Variants in GRM7 observed in about 807,000 individuals in gnomAD.
The protein encoded by GRM7 is glutamate metabotropic receptor 7.
A neutral mutation model predicts 84.5 loss-of-function variants in GRM7; 35 were observed. That is an observed-to-expected ratio of 0.41 (90% CI 0.32 to 0.55). The LOEUF is 0.55. GRM7 is among the 20% of genes least tolerant of loss of function. GRM7 has a pLI of 0.19. For missense variants in GRM7, 1,003 were observed against 1,194.6 expected (o/e 0.84, Z 2.36); for synonymous variants, 487 against 455.1 (o/e 1.07, Z -0.89).
chr3:7,351,914 A>G (rs1693165479), intron 4 of GRM7, among the ~76,000 whole-genome samples: 1 of 151,906 alleles, frequency 6.6e-6, no homozygotes, highest in East Asian at 1.9e-4. Context: ...TCTGGGAGAC[A>G]CATTACTGGC....
At chr3:7,302,152 A>G (rs1283027554) in intron 3 of GRM7, among the ~76,000 whole-genome samples, 1 of 152,116 alleles carries the variant, frequency 6.6e-6, no homozygotes. Context: ...TGCTAGAAAA[A>G]TTAAAGGTTA....
At chr3:7,592,968 G>T (rs781650677) in intron 8 of GRM7, among the ~76,000 whole-genome samples, 2 of 152,128 alleles carry the variant, frequency 1.3e-5, no homozygotes, top group Non-Finnish European at 2.9e-5. Context: ...GACCCGAGTG[G>T]ACTGGTAACC....
At chr3:7,624,442 G>C (rs533729001) in intron 8 of GRM7, among the ~76,000 whole-genome samples, 1 of 151,968 alleles carries the variant, frequency 6.6e-6, no homozygotes, top group Non-Finnish European at 1.5e-5. Flanking sequence ...CGTTAACTAC[G>C]TAATTATACA....
At chr3:7,262,649 G>A (rs1377614106) in intron 2 of GRM7, among the ~76,000 whole-genome samples, 1 of 152,176 alleles carries the variant, frequency 6.6e-6, no homozygotes, top group Non-Finnish European at 1.5e-5. Flanking sequence ...AAGAACTGGT[G>A]TAGTTGTTTG....
chr3:7,320,168 G>T (rs532495918), intron 4 of GRM7, among the ~76,000 whole-genome samples: 1 of 151,970 alleles, frequency 6.6e-6, no homozygotes, highest in Non-Finnish European at 1.5e-5. Context: ...GTGTGTGTTT[G>T]TGTGTATCTA....
chr3:7,287,950 C>G (rs980380940), intron 2 of GRM7, among the ~76,000 whole-genome samples: 2 of 152,100 alleles, frequency 1.3e-5, no homozygotes, highest in Non-Finnish European at 2.9e-5. Flanking sequence ...TCAATGAAGA[C>G]TAATCAGGTT....
In GRM7 at chr3:7,670,883, G is replaced by C. The variant is rs187355593; in HGVS notation, c.2452-9166G>C. 3.7e-4 allele frequency among the ~76,000 whole-genome samples: 56 copies of C among 152,272 alleles called. 1 individual carries two copies. Among genetic ancestry groups the C allele is most frequent in the African/African-American group, 1.2e-3 (50 of 41,552 alleles). ...TAGTAGTTCCGTTTTGATGAATATG[G>C]CAGAGGATTAAAGGGAGCCCATGGA... is the stretch of plus-strand genomic sequence containing the variant. On this transcript the variant is annotated intron_variant, in intron 8 of 9. Coordinates refer to ENST00000357716, the MANE Select transcript of GRM7 (RefSeq NM_000844.4).
At chr3:7,320,681 A>AGTGT (rs56313913) in intron 4 of GRM7, among the ~76,000 whole-genome samples, 18,059 of 141,008 alleles carry the variant, frequency 0.13, 1,173 homozygotes, top group Non-Finnish European at 0.14. Flanking sequence ...GTGGGTGATC[A>AGTGT]GTGTGTGTGT....
chr3:7,123,832 T>C lies in GRM7; in HGVS notation c.520-22620T>C, dbSNP rs148213742. Among the ~76,000 whole-genome samples the C allele has an allele frequency of 1.9e-3, 291 of 152,294 alleles. 5 individuals are homozygous for C. The East Asian group carries it at 0.045, about 23-fold the overall frequency. The stretch of plus-strand genomic sequence containing the variant: ...TTCTCACTTTGCCTCATTGATAAAA[T>C]CTTTCTTGACCTGCAGATCAATTTG... On this transcript the variant is annotated intron_variant, in intron 1 of 9. Coordinates refer to ENST00000357716, the MANE Select transcript of GRM7 (RefSeq NM_000844.4).
rs1382476928 is a variant in GRM7 at position 7,412,344 on chromosome 3, T to C, written c.1034-2679T>C. ...TGGTTGCCACAGGAAGCGCCATCAATATCTGTTAGCTCCCATTATCCTGGC... is the reference window on the plus strand; with the variant it reads ...TGGTTGCCACAGGAAGCGCCATCAACATCTGTTAGCTCCCATTATCCTGGC... On this transcript the variant is annotated intron_variant, in intron 4 of 9. Coordinates refer to ENST00000357716, the MANE Select transcript of GRM7 (RefSeq NM_000844.4). Among the ~76,000 whole-genome samples, 2 of 152,160 alleles carry C rather than the reference T, an allele frequency of 1.3e-5. 1 individual carries two copies. The highest frequency in any genetic ancestry group is 2.9e-5 in the Non-Finnish European group (2 of 68,024).
At chr3:6,878,517 C>T (rs568958385) in intron 1 of GRM7, among the ~76,000 whole-genome samples, 8 of 147,726 alleles carry the variant, frequency 5.4e-5, no homozygotes, top group South Asian at 2.2e-4. Flanking sequence ...CTGCAGCATG[C>T]ACTAGATATT....
intron 8 of GRM7, among the ~76,000 whole-genome samples, chr3:7,589,698 G>A (rs999253472): frequency 6.6e-6 from 1 of 152,176 alleles, no homozygotes; most frequent in Non-Finnish European, 1.5e-5. Context: ...ATCATCATTG[G>A]ATTTTCCCAC....
At chr3:7,297,535 T>C (rs905390359) in intron 2 of GRM7, among the ~76,000 whole-genome samples, 3 of 152,166 alleles carry the variant, frequency 2.0e-5, no homozygotes, top group African/African-American at 7.2e-5. Flanking sequence ...GGACCACAGG[T>C]GATTTCATGC....
intron 1 of GRM7, among the ~76,000 whole-genome samples, chr3:7,131,567 C>T (rs922199290): frequency 1.3e-5 from 2 of 152,122 alleles, no homozygotes; most frequent in African/African-American, 4.8e-5. Flanking sequence ...AAACCTCTGC[C>T]TCTCATGTTG....
intron 7 of GRM7, among the ~76,000 whole-genome samples, chr3:7,574,637 A>G (rs1017344585): frequency 6.6e-5 from 10 of 152,206 alleles, no homozygotes; most frequent in South Asian, 2.1e-4. Flanking sequence ...ACGTACTTGC[A>G]TCCTTGAATG....
At chr3:7,143,994 G>T (rs1301406237) in intron 1 of GRM7, among the ~76,000 whole-genome samples, 1 of 152,004 alleles carries the variant, frequency 6.6e-6, no homozygotes, top group Non-Finnish European at 1.5e-5. Flanking sequence ...CGACACGTAG[G>T]TAACTCATTC....
At chr3:6,891,057 C>G (rs1363226191) in intron 1 of GRM7, among the ~76,000 whole-genome samples, 1 of 152,108 alleles carries the variant, frequency 6.6e-6, no homozygotes, top group Non-Finnish European at 1.5e-5. Flanking sequence ...ATTGCAACCC[C>G]TGCCATTTTT....
intron 2 of GRM7, among the ~76,000 whole-genome samples, chr3:7,217,914 G>A (rs968933086): frequency 2.0e-5 from 3 of 151,630 alleles, no homozygotes; most frequent in African/African-American, 2.4e-5. Context: ...TTGTAACACC[G>A]TGGTTATCCT....
chr3:7,152,265 A>C (rs1182851225), intron 2 of GRM7, among the ~76,000 whole-genome samples: 1 of 152,096 alleles, frequency 6.6e-6, no homozygotes, highest in East Asian at 1.9e-4. Context: ...TCTGAGACCC[A>C]CTTAATTCAC....
Sources: allele counts gnomAD v4.1 joint callset (sites outside exome capture counted in the v4.1 genomes callset), GRCh38; gene constraint gnomAD v4.1.1; transcripts MANE v1.5; gene names NCBI Gene and HGNC (gene_info 2026-07-23, HGNC 2026-07-21).